The following FBXL13 variants were observed in gnomAD, a reference collection of about 807,000 sequenced individuals.
The protein encoded by FBXL13 is F-box and leucine-rich repeat protein 13.
In FBXL13, 67 loss-of-function variants were observed where a neutral mutation model predicts 83.6. That is an observed-to-expected ratio of 0.80 (90% CI 0.66 to 0.98). FBXL13 has a LOEUF of 0.98. Ranked by LOEUF, FBXL13 falls within the 50% of genes least tolerant of loss-of-function variation. The pLI is 0.00. For synonymous variants in FBXL13, 272 were observed against 299.5 expected, an observed-to-expected ratio of 0.91 and a Z score of 0.95; for missense variants, 822 against 866.5, an observed-to-expected ratio of 0.95 and a Z score of 0.64.
rs139652131 is a variant in FBXL13 at position 102,992,280 on chromosome 7, G to A, written c.496-24163C>T. Among the ~76,000 whole-genome samples the A allele has an allele frequency of 3.9e-5, 6 of 152,184 alleles. No homozygotes were observed. In the East Asian group the frequency reaches 1.2e-3, roughly 29 times the overall value. ...AGTGGATACTCAAGGCCTCAACAAC[G>A]CAGACCCAACCCACCTTTCCAAACA... is the stretch of plus-strand genomic sequence containing the variant. On this transcript the variant is annotated intron_variant, in intron 6 of 19. Coordinates refer to ENST00000313221, the Ensembl canonical transcript of FBXL13.
intron 10 of FBXL13, among the ~76,000 whole-genome samples, chr7:102,917,978 A>T (rs1816231805): frequency 6.6e-6 from 1 of 152,232 alleles, no homozygotes; most frequent in Non-Finnish European, 1.5e-5. Flanking sequence ...AGAAGTGAGA[A>T]AAAATATTCA....
chr7:102,967,672 G>C (rs1826134627), intron 7 of FBXL13, among the ~76,000 whole-genome samples: 1 of 152,154 alleles, frequency 6.6e-6, no homozygotes, highest in Admixed American at 6.5e-5. Context: ...CATGGTCATG[G>C]ACTTAACATA....
At chr7:102,951,663 A>G (rs994699519) in intron 8 of FBXL13, among the ~76,000 whole-genome samples, 3 of 151,628 alleles carry the variant, frequency 2.0e-5, no homozygotes, top group Non-Finnish European at 4.4e-5. Flanking sequence ...TTTTAAAAAG[A>G]TTAGCCAGGT....
exon 2 of FBXL13, chr7:103,055,706 C>G (rs978710608): frequency 7.8e-7 from 1 of 1,285,438 alleles, no homozygotes; most frequent in Non-Finnish European, 1.0e-6. Context: ...AATACCTCAG[C>G]GGATCCTCAG....
chr7:102,917,268 G>A (rs563102490), intron 10 of FBXL13, among the ~76,000 whole-genome samples: 53 of 152,282 alleles, frequency 3.5e-4, no homozygotes, highest in African/African-American at 1.2e-3. Context: ...GATCATGATA[G>A]TTCCTGATAA....
chr7:103,025,801 T>C lies in FBXL13; in HGVS notation c.328-571A>G, dbSNP rs983041892. On this transcript the variant is annotated intron_variant, in intron 5 of 19. Coordinates refer to ENST00000313221, the Ensembl canonical transcript of FBXL13. ...ATGTATGTATGTATGTGTCTGTGTA[T>C]ATACACACACATATTAGAGCCTGAG... Among the ~76,000 whole-genome samples, 6 of 152,150 alleles carry C rather than the reference T, an allele frequency of 3.9e-5. No individual in the cohort carries two copies. In the South Asian group the frequency reaches 1.2e-3, roughly 32 times the overall value.
intron 7 of FBXL13, among the ~76,000 whole-genome samples, chr7:102,965,835 G>A (rs1825913454): frequency 1.3e-5 from 2 of 152,134 alleles, no homozygotes; most frequent in Non-Finnish European, 2.9e-5. Context: ...CCAATGTTCA[G>A]TGGCAACATT....
chr7:103,001,352 A>G (rs1231627610), intron 6 of FBXL13, among the ~76,000 whole-genome samples: 2 of 152,302 alleles, frequency 1.3e-5, no homozygotes, highest in Non-Finnish European at 2.9e-5. Flanking sequence ...TGGGTCTTTA[A>G]AACAAAAATC....
exon 7 of FBXL13, chr7:102,968,055 C>T: frequency 1.9e-6 from 3 of 1,613,934 alleles, no homozygotes; most frequent in Non-Finnish European, 2.5e-6. Context: ...GTGTCATCAA[C>T]ATCCAGGCAT....
intron 17 of FBXL13, among the ~76,000 whole-genome samples, chr7:102,837,344 G>A (rs1802171507): frequency 6.6e-6 from 1 of 152,212 alleles, no homozygotes; most frequent in Non-Finnish European, 1.5e-5. Flanking sequence ...GAAGCTCCCT[G>A]TTTTAAAACA....
At chr7:103,003,468 G>A (rs1185266794) in intron 6 of FBXL13, among the ~76,000 whole-genome samples, 1 of 151,426 alleles carries the variant, frequency 6.6e-6, no homozygotes, top group African/African-American at 2.4e-5. Flanking sequence ...TACATTTTTA[G>A]TAGAGACAGG....
chr7:102,990,662 G>C (rs996531734), intron 6 of FBXL13, among the ~76,000 whole-genome samples: 2 of 152,192 alleles, frequency 1.3e-5, no homozygotes, highest in African/African-American at 4.8e-5. Flanking sequence ...CCAAGACTGA[G>C]AGAGAGGACA....
chr7:103,047,851 T>C (rs147002805), intron 2 of FBXL13, among the ~76,000 whole-genome samples: 8 of 152,284 alleles, frequency 5.3e-5, no homozygotes, highest in Admixed American at 2.0e-4. Context: ...CCCGCCACCA[T>C]GCCTATCTAA....
At chr7:102,986,287 G>A (rs1268460402) in intron 6 of FBXL13, among the ~76,000 whole-genome samples, 2 of 152,174 alleles carry the variant, frequency 1.3e-5, no homozygotes, top group African/African-American at 4.8e-5. Context: ...AATGTTGCTG[G>A]TGTGTGGGGA....
At chr7:102,822,309 C>G in intron 18 of FBXL13, 106 bp from the exon 20 acceptor site, 1 of 1,042,802 alleles carries the variant, frequency 9.6e-7, no homozygotes, top group Non-Finnish European at 1.5e-6. Flanking sequence ...CAGACTGTGG[C>G]TTAAACATCA....
intron 2 of FBXL13, chr7:103,055,098 T>C: frequency 7.8e-7 from 1 of 1,285,824 alleles, no homozygotes; most frequent in Non-Finnish European, 1.0e-6. Context: ...CAGCTGATCA[T>C]CCAATTCAAA....
chr7:102,946,717 C>T (rs1189385335), intron 8 of FBXL13, among the ~76,000 whole-genome samples: 4 of 151,664 alleles, frequency 2.6e-5, no homozygotes, highest in African/African-American at 4.9e-5. Flanking sequence ...CTCTGTCATA[C>T]AGTCTGGAGT....
At chr7:102,841,283 T>C (rs866358974) in intron 17 of FBXL13, among the ~76,000 whole-genome samples, 44 of 152,266 alleles carry the variant, frequency 2.9e-4, no homozygotes, top group African/African-American at 1.0e-3. Flanking sequence ...AAGTTTCATC[T>C]TACAAAGGAT....
At chr7:103,027,410 A>C in intron 5 of FBXL13, 39 bp downstream of exon 6, 1 of 1,402,492 alleles carries the variant, frequency 7.1e-7, no homozygotes, top group South Asian at 1.2e-5. Flanking sequence ...TATAACTGAA[A>C]CATTCGGATT....
Sources: allele counts gnomAD v4.1 joint callset (sites outside exome capture counted in the v4.1 genomes callset), GRCh38; gene constraint gnomAD v4.1.1; transcripts MANE v1.5; gene names NCBI Gene and HGNC (gene_info 2026-07-23, HGNC 2026-07-21).